Variants in SUGCT observed in about 807,000 individuals in gnomAD.
The protein encoded by SUGCT is succinyl-CoA:glutarate-CoA transferase.
A neutral mutation model predicts 55.0 loss-of-function variants in SUGCT; 41 were observed. The observed-to-expected ratio is 0.74, with a 90% CI of 0.58 to 0.97. SUGCT has a LOEUF of 0.97. Ranked by LOEUF, SUGCT falls within the 50% of genes least tolerant of loss-of-function variation. The pLI is 0.00. For synonymous variants in SUGCT, 187 were observed against 200.4 expected (o/e 0.93, Z 0.56); for missense variants, 568 against 547.8 (o/e 1.04, Z -0.37).
chr7:40,857,482 G>A (rs1794242858), intron 13 of SUGCT, among the ~76,000 whole-genome samples: 1 of 152,132 alleles, frequency 6.6e-6, no homozygotes, highest in Non-Finnish European at 1.5e-5. Flanking sequence ...AATTCTTGAA[G>A]ATATTTTATG....
intron 1 of SUGCT, among the ~76,000 whole-genome samples, chr7:40,162,515 TG>T (rs1784226101): frequency 6.6e-6 from 1 of 152,170 alleles, no homozygotes; most frequent in Non-Finnish European, 1.5e-5. Context: ...CTTCCTCTGT[TG>T]CCCAGGCTGG....
chr7:40,514,968 A>G (rs1793155178), intron 12 of SUGCT, among the ~76,000 whole-genome samples: 1 of 152,228 alleles, frequency 6.6e-6, no homozygotes, highest in South Asian at 2.1e-4. Context: ...AAGTGGTTAG[A>G]GAGGTCTCGT....
Position 40,280,993 on chromosome 7 carries a change from T to C in SUGCT, c.720+6337T>C, listed in dbSNP as rs565406218. Among the ~76,000 whole-genome samples the C allele has an allele frequency of 3.9e-5, 6 of 152,290 alleles. No homozygotes were observed. In the South Asian group the frequency reaches 1.0e-3, roughly 26 times the overall value. ...TATGACTTCCGTGGGCCCTGGGAAC[T>C]TTTGCCTTTGTGGGTTCTTTCCTTC... On this transcript the variant is annotated intron_variant, in intron 8 of 13. Transcript: ENST00000335693.
At chr7:40,979,126 T>C in the SUGCT span, among the ~76,000 whole-genome samples, 10 of 152,098 alleles carry the variant, frequency 6.6e-5, no homozygotes, top group East Asian at 3.9e-4. Context: ...CTCCACAAAA[T>C]ACTGAGCCCC....
In SUGCT at chr7:40,189,548, T is replaced by G. The variant is rs374626001; in HGVS notation, c.317T>G (p.Ile106Ser). 1.1e-4 allele frequency: 142 copies of G among 1,276,946 alleles called. No homozygotes were observed. Among genetic ancestry groups the G allele is most frequent in the Non-Finnish European group, 1.4e-4 (137 of 967,246 alleles). The allele number at this position is 1,276,946 out of a possible 1,614,324, so 79.1% of individuals were successfully genotyped here. Residue 106 changes from isoleucine (I) to serine (S), a missense_variant, in exon 5 of 14, where the codon ATT becomes AGT. By Grantham distance (142) the Ile-to-Ser change is moderately radical (BLOSUM62 -2). Transcript: ENST00000335693. ...TATATATTTTTTAATTTTTAGAGTATTGCTGTTAATATCAAGGATCCAAAA... is the reference window on the plus strand; with the variant it reads ...TATATATTTTTTAATTTTTAGAGTAGTGCTGTTAATATCAAGGATCCAAAA... ...YLSVNRNKKS[I>S]AVNIKDPKGV...
the SUGCT span, among the ~76,000 whole-genome samples, chr7:40,982,321 A>G: frequency 2.0e-5 from 3 of 152,198 alleles, no homozygotes; most frequent in Non-Finnish European, 4.4e-5. Context: ...TTAGTCTTGA[A>G]CATATTATCC....
chr7:40,365,179 A>G (rs2151233907), intron 9 of SUGCT, among the ~76,000 whole-genome samples: 1 of 152,354 alleles, frequency 6.6e-6, no homozygotes, highest in South Asian at 2.1e-4. Context: ...TTATCTCAAT[A>G]GATGCAGAAA....
At chr7:40,971,639 C>T in the SUGCT span, among the ~76,000 whole-genome samples, 2 of 152,134 alleles carry the variant, frequency 1.3e-5, no homozygotes, top group African/African-American at 4.8e-5. Context: ...CAACACCAGG[C>T]ATAATTGGCA....
chr7:40,988,363 G>C, the SUGCT span, among the ~76,000 whole-genome samples: 2 of 151,178 alleles, frequency 1.3e-5, no homozygotes, highest in East Asian at 3.9e-4. Flanking sequence ...TGGGCTCCTT[G>C]ACTTATCCCT....
chr7:41,009,595 T>G, the SUGCT span, among the ~76,000 whole-genome samples: 1 of 150,278 alleles, frequency 6.7e-6, no homozygotes, highest in Admixed American at 6.6e-5. Context: ...CTTTCTTCCA[T>G]CTACCATCCA....
At chr7:40,337,817 T>C (rs1019713814) in intron 9 of SUGCT, among the ~76,000 whole-genome samples, 26 of 152,222 alleles carry the variant, frequency 1.7e-4, no homozygotes, top group African/African-American at 6.3e-4. Flanking sequence ...ATTTTGCTCA[T>C]TAGTTGATGC....
intron 8 of SUGCT, among the ~76,000 whole-genome samples, chr7:40,284,182 C>T (rs766127188): frequency 2.6e-4 from 40 of 151,920 alleles, no homozygotes; most frequent in Non-Finnish European, 5.3e-4. Context: ...GTCAAAGGGG[C>T]AAAGTTTCAG....
rs547357939 is a variant in SUGCT at position 40,431,799 on chromosome 7, AT to A, written c.817-17483del. On this transcript the variant is annotated intron_variant, in intron 9 of 13. Transcript: ENST00000335693. Reference sequence around the variant, plus strand: ...TATTTTTTATGCCGTCATAAATGGGATTTTTAAAAATGTCTTTTTAATTTGT... The same window carrying A: ...TATTTTTTATGCCGTCATAAATGGGATTTTAAAAATGTCTTTTTAATTTGT... Among the ~76,000 whole-genome samples, 45 of 152,168 alleles carry A rather than the reference AT, an allele frequency of 3.0e-4. No homozygotes were observed. The South Asian group carries it at 9.4e-3, about 32-fold the overall frequency.
At chr7:40,414,218 T>C (rs191762515) in intron 9 of SUGCT, among the ~76,000 whole-genome samples, 127 of 152,282 alleles carry the variant, frequency 8.3e-4, no homozygotes, top group African/African-American at 2.9e-3. Flanking sequence ...CACAAGCAAA[T>C]GTGGTCTGAA....
intron 11 of SUGCT, among the ~76,000 whole-genome samples, chr7:40,482,023 A>G (rs1321910896): frequency 3.3e-5 from 5 of 152,184 alleles, no homozygotes; most frequent in African/African-American, 7.2e-5. Context: ...TAGGAATTCA[A>G]TGAAACTTGT....
chr7:40,946,007 T>C, the SUGCT span, among the ~76,000 whole-genome samples: 1 of 152,198 alleles, frequency 6.6e-6, no homozygotes, highest in South Asian at 2.1e-4. Flanking sequence ...GTGTTGGCTT[T>C]TTCAAATGCC....
At chr7:40,135,260 C>T (rs1787617291) in intron 1 of SUGCT, 140 bp downstream of exon 1, 2 of 1,116,776 alleles carry the variant, frequency 1.8e-6, no homozygotes, top group Non-Finnish European at 2.4e-6. Flanking sequence ...CCTGCAACCC[C>T]GTTCCGTGGG....
chr7:40,431,505 T>C (rs1787894711), intron 9 of SUGCT, among the ~76,000 whole-genome samples: 3 of 152,228 alleles, frequency 2.0e-5, no homozygotes, highest in African/African-American at 7.2e-5. Context: ...GGAATTTTAT[T>C]GAAATCTGTA....
chr7:40,775,754 A>G (rs748053385), intron 13 of SUGCT: 13 of 152,182 alleles, frequency 8.5e-5, no homozygotes, highest in Non-Finnish European at 1.8e-4. Flanking sequence ...GTGGAAGTAT[A>G]TGTAAGTCAA....
Sources: gnomAD v4.1 joint callset for allele counts (sites outside exome capture counted in the v4.1 genomes callset) on GRCh38, gnomAD v4.1.1 for gene constraint, MANE v1.5 for transcripts, NCBI Gene and HGNC (gene_info 2026-07-23, HGNC 2026-07-21) for gene names.